Variants in SEMA6D observed in about 807,000 individuals in gnomAD.
SEMA6D encodes the protein semaphorin 6D, also known as semaphorin-6D.
Under a neutral mutation model 106.6 loss-of-function variants are expected in SEMA6D, and 35 were observed. That is an observed-to-expected ratio of 0.33 (90% confidence interval 0.25 to 0.44). The LOEUF (loss-of-function observed/expected upper bound fraction) is 0.44, where lower values mean the gene tolerates loss of function less well. SEMA6D is among the 20% of genes least tolerant of loss of function. SEMA6D has a pLI of 1.00. For missense variants in SEMA6D, 1,185 were observed against 1,345.9 expected (o/e 0.88, Z 1.87); for synonymous variants, 499 against 487.7 (o/e 1.02, Z -0.31).
intron 2 of SEMA6D, among the ~76,000 whole-genome samples, chr15:47,464,775 C>T (rs2042610473): frequency 6.6e-6 from 1 of 152,062 alleles, no homozygotes; most frequent in Non-Finnish European, 1.5e-5. Context: ...GGATGAGTAC[C>T]ATATGTTAAT....
At chr15:47,740,047 A>G (rs1349172750) in intron 1 of SEMA6D, among the ~76,000 whole-genome samples, 2 of 152,214 alleles carry the variant, frequency 1.3e-5, no homozygotes, top group Non-Finnish European at 2.9e-5. Flanking sequence ...TGGTGAAGCC[A>G]AAATATTCAT....
intron 1 of SEMA6D, among the ~76,000 whole-genome samples, chr15:47,365,464 T>G (rs868179718): frequency 6.6e-6 from 1 of 152,172 alleles, no homozygotes; most frequent in Non-Finnish European, 1.5e-5. Flanking sequence ...AGATAGAAAT[T>G]TGTTTCTAAA....
intron 1 of SEMA6D, among the ~76,000 whole-genome samples, chr15:47,227,438 T>TTTCTTTTTCTTTCTTTC (rs374904188): frequency 1.3e-5 from 1 of 77,666 alleles, no homozygotes; most frequent in African/African-American, 4.9e-5. Flanking sequence ...TCTTTCTTTC[T>TTTCTTTTTCTTTCTTTC]TTTCTTTCTT....
intron 2 of SEMA6D, among the ~76,000 whole-genome samples, chr15:47,458,709 A>G (rs2141008465): frequency 2.0e-5 from 3 of 152,178 alleles, no homozygotes; most frequent in Middle Eastern, 6.8e-3. Context: ...TGCTGTTATC[A>G]CAGTGATTGG....
chr15:47,323,200 A>G (rs1292482475), intron 1 of SEMA6D, among the ~76,000 whole-genome samples: 1 of 152,090 alleles, frequency 6.6e-6, no homozygotes, highest in African/African-American at 2.4e-5. Context: ...TTGTCCAGGT[A>G]GTAGGAAGGA....
intron 1 of SEMA6D, among the ~76,000 whole-genome samples, chr15:47,352,210 T>C (rs185110848): frequency 1.8e-3 from 280 of 152,326 alleles, no homozygotes; most frequent in Admixed American, 4.4e-3. Flanking sequence ...TATCTTTTTA[T>C]CTTTTTATTT....
chr15:47,216,443 C>T (rs1334426742), intron 1 of SEMA6D, among the ~76,000 whole-genome samples: 1 of 152,150 alleles, frequency 6.6e-6, no homozygotes, highest in African/African-American at 2.4e-5. Context: ...ACATGTTACA[C>T]ATCCCAGAAT....
chr15:47,653,146 T>C (rs780643589), intron 4 of SEMA6D, among the ~76,000 whole-genome samples: 3 of 152,194 alleles, frequency 2.0e-5, no homozygotes, highest in Non-Finnish European at 2.9e-5. Context: ...CAAGGTATAA[T>C]TGAGAGAAGA....
At chr15:47,540,823 C>A (rs2045332638) in intron 3 of SEMA6D, among the ~76,000 whole-genome samples, 1 of 152,084 alleles carries the variant, frequency 6.6e-6, no homozygotes, top group Non-Finnish European at 1.5e-5. Context: ...AATAGAGTGT[C>A]CCAGGTGGCC....
intron 1 of SEMA6D, among the ~76,000 whole-genome samples, chr15:47,283,169 T>C (rs1170233871): frequency 1.3e-5 from 2 of 152,134 alleles, no homozygotes; most frequent in African/African-American, 4.8e-5. Flanking sequence ...CTCATTTTCC[T>C]CTTTTTTAAA....
chr15:47,243,681 G>T (rs2033048681), intron 1 of SEMA6D, among the ~76,000 whole-genome samples: 1 of 152,104 alleles, frequency 6.6e-6, no homozygotes, highest in Non-Finnish European at 1.5e-5. Flanking sequence ...ATTTTAAATG[G>T]CAGAGCATAA....
rs192229215 is a variant in SEMA6D at position 47,756,369 on chromosome 15, G to A, written c.-54-3376G>A. Among the ~76,000 whole-genome samples the A allele has an allele frequency of 2.6e-5, 4 of 152,034 alleles. No individual in the cohort carries two copies. The South Asian group carries it at 6.2e-4, about 24-fold the overall frequency. On this transcript the variant is annotated intron_variant, in intron 1 of 18. Transcript: ENST00000536845. ...TTTCCACCTTTTTGCCAGACAAGAC[G>A]TAACCAGAATAGACATGATGATATT... is the stretch of plus-strand genomic sequence containing the variant.
chr15:47,743,867 T>A (rs1454932102), intron 1 of SEMA6D, among the ~76,000 whole-genome samples: 1 of 152,198 alleles, frequency 6.6e-6, no homozygotes, highest in East Asian at 1.9e-4. Flanking sequence ...CAATGCTGAA[T>A]GTCACTGTGG....
chr15:47,379,122 C>T (rs183103242), intron 1 of SEMA6D, among the ~76,000 whole-genome samples: 129 of 152,230 alleles, frequency 8.5e-4, no homozygotes, highest in Non-Finnish European at 1.5e-3. Context: ...TTTATTGACA[C>T]GGTTAACTGG....
At chr15:47,315,989 GT>G (rs970649335) in intron 1 of SEMA6D, among the ~76,000 whole-genome samples, 13 of 149,390 alleles carry the variant, frequency 8.7e-5, no homozygotes, top group African/African-American at 2.7e-4. Flanking sequence ...TTTCGAGAGG[GT>G]TTTTTTTTGT....
chr15:47,400,471 G>A (rs1028921094), intron 1 of SEMA6D, among the ~76,000 whole-genome samples: 4 of 127,130 alleles, frequency 3.1e-5, no homozygotes, highest in African/African-American at 8.6e-5. Context: ...CCTGGGAGAC[G>A]GAGAGAGACT....
chr15:47,586,577 T>C (rs1257492115), intron 3 of SEMA6D, among the ~76,000 whole-genome samples: 1 of 152,218 alleles, frequency 6.6e-6, no homozygotes, highest in Non-Finnish European at 1.5e-5. Context: ...AAGGTGGTTA[T>C]ATTATCCAAA....
intron 1 of SEMA6D, among the ~76,000 whole-genome samples, chr15:47,189,882 AG>A (rs1406686026): frequency 6.6e-6 from 1 of 152,246 alleles, no homozygotes; most frequent in East Asian, 1.9e-4. Flanking sequence ...TAGTGCATAA[AG>A]CTTTAAAATT....
At chr15:47,518,602 A>G (rs934528535) in intron 3 of SEMA6D, among the ~76,000 whole-genome samples, 1 of 152,226 alleles carries the variant, frequency 6.6e-6, no homozygotes, top group East Asian at 1.9e-4. Flanking sequence ...ATATATCTAA[A>G]TATACCTAAA....
Sources: allele counts gnomAD v4.1 joint callset (sites outside exome capture counted in the v4.1 genomes callset), GRCh38; gene constraint gnomAD v4.1.1; transcripts MANE v1.5; gene names NCBI Gene and HGNC (gene_info 2026-07-23, HGNC 2026-07-21).